OTUD7A: variants seen among roughly 807,000 people sequenced by gnomAD.
OTUD7A encodes the protein OTU domain-containing protein 7A.
OTUD7A carries 12 observed loss-of-function variants against 65.7 expected under a neutral mutation model. That is an observed-to-expected ratio of 0.18 (90% confidence interval 0.12 to 0.30). The LOEUF (loss-of-function observed/expected upper bound fraction) is 0.30. Among genes scored for constraint, OTUD7A ranks in the 10% least tolerant of loss-of-function variants. OTUD7A has a pLI of 1.00. For missense variants in OTUD7A, 1,148 were observed against 1,304.8 expected, an observed-to-expected ratio of 0.88 and a Z score of 1.85; for synonymous variants, 641 against 586.3, an observed-to-expected ratio of 1.09 and a Z score of -1.35.
chr15:31,766,838 C>T, intron 1 of OTUD7A: 1 of 1,612,094 alleles, frequency 6.2e-7, no homozygotes, highest in Non-Finnish European at 8.5e-7. Context: ...TTTTGTCCTT[C>T]TATGTTCGGA....
chr15:31,766,461 T>A, intron 1 of OTUD7A: 1 of 1,589,908 alleles, frequency 6.3e-7, no homozygotes, highest in South Asian at 1.1e-5. Flanking sequence ...AAGTAAAGAG[T>A]CTTCTGAAAG....
At chr15:31,669,535 G>C (rs1473462292) in intron 1 of OTUD7A, among the ~76,000 whole-genome samples, 1 of 152,214 alleles carries the variant, frequency 6.6e-6, no homozygotes, top group African/African-American at 2.4e-5. Flanking sequence ...TCCAGGCAGT[G>C]GGTGAGCAGA....
At position 31,587,464 on chromosome 15, in the gene OTUD7A, C is replaced by T. The variant is rs139595444; in HGVS notation, c.152-17267G>A. On this transcript the variant is annotated intron_variant, in intron 3 of 12. Coordinates refer to ENST00000307050, the MANE Select transcript of OTUD7A (RefSeq NM_001382637.1). ...CAGCCTGGCCAAGATGGTGAAACCCCGTCTCTACTAAAAAAAAAATACAAA... is the reference window on the plus strand; with the variant it reads ...CAGCCTGGCCAAGATGGTGAAACCCTGTCTCTACTAAAAAAAAAATACAAA... 4.3e-3 allele frequency among the ~76,000 whole-genome samples: 660 copies of T among 151,848 alleles called. 5 individuals carry two copies. The highest frequency in any genetic ancestry group is 0.015 in the African/African-American group (632 of 41,400).
intron 3 of OTUD7A, among the ~76,000 whole-genome samples, chr15:31,600,627 A>C (rs891229132): frequency 6.6e-6 from 1 of 152,242 alleles, no homozygotes; most frequent in Non-Finnish European, 1.5e-5. Context: ...CTTTAAATGT[A>C]AATGGGCTAA....
rs1286562311 is a variant in OTUD7A, at chr15:31,484,428, G to A, written c.1668C>T (p.Ala556=). ...VHGKMGRANS[A]NGKNGDSAER... Reference sequence around the variant, plus strand: ...CGGCCGAGTCCCCGTTCTTGCCATTGGCGGAGTTGGCGCGGCCCATCTTGC... The same window carrying A: ...CGGCCGAGTCCCCGTTCTTGCCATTAGCGGAGTTGGCGCGGCCCATCTTGC... The change falls in exon 13 of 13, where the codon GCC becomes GCT. Residue 556 remains alanine, a synonymous_variant. Transcript: ENST00000307050. This position sits in a 1 kb window ranked among gnomAD's most constrained non-coding sequence, Gnocchi z 4.5. 1.9e-6 allele frequency: 3 copies of A among 1,602,762 alleles called. No homozygotes were observed. The highest frequency in any genetic ancestry group is 2.7e-5 in the African/African-American group (2 of 74,888).
At chr15:31,680,429 A>G (rs1892685750) in intron 1 of OTUD7A, among the ~76,000 whole-genome samples, 1 of 152,224 alleles carries the variant, frequency 6.6e-6, no homozygotes, top group African/African-American at 2.4e-5. Context: ...TTATATCAGT[A>G]CCTGGACTAC....
chr15:31,686,677 C>T (rs2654107), intron 1 of OTUD7A, among the ~76,000 whole-genome samples: 3 of 152,160 alleles, frequency 2.0e-5, no homozygotes, highest in South Asian at 4.1e-4. Context: ...GGCTGGAGCC[C>T]ACCAGAAGAG....
chr15:31,730,899 C>T (rs984988047), intron 1 of OTUD7A, among the ~76,000 whole-genome samples: 4 of 152,218 alleles, frequency 2.6e-5, no homozygotes, highest in Non-Finnish European at 5.9e-5. Context: ...AACTCAGGTA[C>T]TGCATGCTTT....
chr15:31,849,637 T>C (rs562812734), intron 1 of OTUD7A, among the ~76,000 whole-genome samples: 2 of 152,074 alleles, frequency 1.3e-5, no homozygotes, highest in African/African-American at 4.8e-5. Flanking sequence ...TGGAAGAAAA[T>C]TTTTGCAATC....
intron 3 of OTUD7A, among the ~76,000 whole-genome samples, chr15:31,582,526 G>A (rs750460493): frequency 3.9e-5 from 6 of 152,216 alleles, no homozygotes; most frequent in Non-Finnish European, 7.4e-5. Context: ...ACATGCTGGG[G>A]AGGCCTCACA....
At chr15:31,673,888 C>T (rs1566970295) in intron 1 of OTUD7A, among the ~76,000 whole-genome samples, 1 of 152,210 alleles carries the variant, frequency 6.6e-6, no homozygotes, top group Admixed American at 6.5e-5. Context: ...GAAGGCTGCC[C>T]TGGAGGACAG....
At chr15:31,753,045 C>T (rs1894681163) in intron 1 of OTUD7A, among the ~76,000 whole-genome samples, 1 of 152,116 alleles carries the variant, frequency 6.6e-6, no homozygotes, top group Non-Finnish European at 1.5e-5. Flanking sequence ...ACTGTTTCAT[C>T]AGGGACATTA....
intron 5 of OTUD7A, among the ~76,000 whole-genome samples, chr15:31,553,799 T>C (rs1888404585): frequency 6.6e-6 from 1 of 152,002 alleles, no homozygotes; most frequent in Non-Finnish European, 1.5e-5. Flanking sequence ...CAGCCGTCTC[T>C]CTCTGCCCTG....
intron 1 of OTUD7A, among the ~76,000 whole-genome samples, chr15:31,862,528 T>C (rs1378913110): frequency 6.6e-6 from 1 of 152,154 alleles, no homozygotes; most frequent in African/African-American, 2.4e-5. Flanking sequence ...AAGGCACTTC[T>C]TACATGGCAG....
At chr15:31,629,101 T>C (rs951439134) in intron 3 of OTUD7A, among the ~76,000 whole-genome samples, 7 of 152,102 alleles carry the variant, frequency 4.6e-5, no homozygotes, top group African/African-American at 1.2e-4. Context: ...TCCTGCCTAA[T>C]TGCCCTGGCC....
At chr15:31,856,839 C>A (rs1897587058) in intron 1 of OTUD7A, among the ~76,000 whole-genome samples, 1 of 152,238 alleles carries the variant, frequency 6.6e-6, no homozygotes, top group Non-Finnish European at 1.5e-5. Flanking sequence ...TCATTTCTGG[C>A]TCTGAGCTCT....
intron 1 of OTUD7A, among the ~76,000 whole-genome samples, chr15:31,724,522 C>A (rs545797929): frequency 1.3e-5 from 2 of 152,264 alleles, no homozygotes; most frequent in South Asian, 4.1e-4. Flanking sequence ...TTATCATACA[C>A]AATATGCCTC....
At chr15:31,647,329 T>C (rs1353220173) in intron 3 of OTUD7A, among the ~76,000 whole-genome samples, 1 of 152,246 alleles carries the variant, frequency 6.6e-6, no homozygotes, top group African/African-American at 2.4e-5. Context: ...CCGTGAATTC[T>C]GCTAAATCAG....
intron 10 of OTUD7A, among the ~76,000 whole-genome samples, chr15:31,499,716 T>C (rs977521015): frequency 2.0e-5 from 3 of 152,216 alleles, no homozygotes; most frequent in African/African-American, 7.2e-5. Context: ...GGCCACAGGA[T>C]GGTCTTAGAG....
Sources: gnomAD v4.1 joint callset for allele counts (sites outside exome capture counted in the v4.1 genomes callset) on GRCh38, gnomAD v4.1.1 for gene constraint, Gnocchi (gnomAD v3.1) non-coding constraint, MANE v1.5 for transcripts, NCBI Gene and HGNC (gene_info 2026-07-23, HGNC 2026-07-21) for gene names.